ATXN2: variants seen among roughly 807,000 people sequenced by gnomAD.
The protein encoded by ATXN2 is ataxin-2.
Under a neutral mutation model 138.6 loss-of-function variants are expected in ATXN2, and 37 were observed. The observed-to-expected ratio is 0.27, with a 90% CI of 0.21 to 0.35. The LOEUF is 0.35. ATXN2 is among the 10% of genes least tolerant of loss of function. The pLI is 1.00. For synonymous variants in ATXN2, 549 were observed against 543.7 expected, an observed-to-expected ratio of 1.01 and a Z score of -0.13; for missense variants, 1,216 against 1,480.3, an observed-to-expected ratio of 0.82 and a Z score of 2.93.
At chr12:111,592,874 T>TAA (rs111981578) in intron 1 of ATXN2, among the ~76,000 whole-genome samples, 2 of 140,862 alleles carry the variant, frequency 1.4e-5, no homozygotes, top group African/African-American at 2.6e-5. Context: ...TTGAAATAGC[T>TAA]AAAAAAAAAA....
rs769630716 is a variant in ATXN2 at position 111,538,626 on chromosome 12, T to G, written c.572-13310A>C. Among the ~76,000 whole-genome samples, 25 of 150,218 alleles carry G rather than the reference T, an allele frequency of 1.7e-4. 2 individuals are homozygous for G. The highest frequency in any genetic ancestry group is 3.1e-4 in the Non-Finnish European group (21 of 67,060). On this transcript the variant is annotated intron_variant, in intron 5 of 24. Coordinates refer to ENST00000673436, the MANE Select transcript of ATXN2 (RefSeq NM_001372574.1). ...CCTTGGCCTCCCAAAGTGCTGAGAT[T>G]ACAGGAATGAGCCACTGTACCCAGC...
At chr12:111,580,983 C>T (rs1204596544) in intron 1 of ATXN2, among the ~76,000 whole-genome samples, 1 of 151,454 alleles carries the variant, frequency 6.6e-6, no homozygotes, top group African/African-American at 2.4e-5. Context: ...TACTAAAATA[C>T]AAAACCTAGC....
intron 1 of ATXN2, among the ~76,000 whole-genome samples, chr12:111,567,018 A>G (rs1233825676): frequency 6.6e-6 from 1 of 152,182 alleles, no homozygotes; most frequent in Non-Finnish European, 1.5e-5. Flanking sequence ...ATGTGGTAAA[A>G]AAGCAAGAGA....
rs1182487226 is a variant in ATXN2 at position 111,552,013 on chromosome 12, G to A, written c.571+267C>T. ...CTGTCTCAGCCTCCCTAGTAGCTAG[G>A]ACTATAGGCGCACGCCACCACACAC... is the stretch of plus-strand genomic sequence containing the variant. On this transcript the variant is annotated intron_variant, in intron 5 of 24. Coordinates refer to ENST00000673436, the MANE Select transcript of ATXN2 (RefSeq NM_001372574.1). The surrounding 1 kb of genome is among the most constrained non-coding windows in gnomAD (Gnocchi z 4.1). Among the ~76,000 whole-genome samples the A allele has an allele frequency of 6.6e-6, 1 of 151,896 alleles. No homozygotes were observed.
intron 5 of ATXN2, among the ~76,000 whole-genome samples, chr12:111,539,714 A>C (rs1881389355): frequency 6.7e-6 from 1 of 150,018 alleles, no homozygotes; most frequent in Non-Finnish European, 1.5e-5. Context: ...GCGCTACTGC[A>C]CTCCAGCCTG....
chr12:111,570,036 A>C (rs1403345638), intron 1 of ATXN2, among the ~76,000 whole-genome samples: 1 of 152,164 alleles, frequency 6.6e-6, no homozygotes, highest in Admixed American at 6.5e-5. Context: ...GAAATATTTA[A>C]ATTTTAATCA....
At chr12:111,597,816 G>T in intron 1 of ATXN2, 1 of 1,252,208 alleles carries the variant, frequency 8.0e-7, no homozygotes, top group Non-Finnish European at 1.0e-6. Flanking sequence ...TTCCGAAATT[G>T]GGGCGGGGGT....
At chr12:111,467,788 T>C (rs1054593115) in intron 20 of ATXN2, among the ~76,000 whole-genome samples, 2 of 152,210 alleles carry the variant, frequency 1.3e-5, no homozygotes, top group African/African-American at 2.4e-5. Flanking sequence ...TTCTAGGAAG[T>C]AGTTATGAAA....
intron 2 of ATXN2, among the ~76,000 whole-genome samples, chr12:111,555,338 T>C (rs531037953): frequency 1.2e-3 from 184 of 152,272 alleles, no homozygotes; most frequent in African/African-American, 4.3e-3. Context: ...TATGGTTTGG[T>C]TCTGTGTCCC....
chr12:111,587,978 G>A (rs879672176), intron 1 of ATXN2, among the ~76,000 whole-genome samples: 6 of 151,760 alleles, frequency 4.0e-5, no homozygotes, highest in South Asian at 2.1e-4. Context: ...TGGATCACTC[G>A]AGGCCATGAG....
At position 111,598,298 on chromosome 12, in the gene ATXN2, G is replaced by A. The variant is rs1885041344; in HGVS notation, c.251+486C>T. ...CCCCTTTAACCGGCACGGGGGACGC[G>A]GCCCTAACTTCTCCCCTCCAGAGAT... On this transcript the variant is annotated intron_variant, in intron 1 of 24. Transcript: ENST00000673436. The surrounding 1 kb of genome is among the most constrained non-coding windows in gnomAD (Gnocchi z 4.5). 14 of 1,002,862 alleles carry A rather than the reference G, an allele frequency of 1.4e-5. No homozygotes were observed. The highest frequency in any genetic ancestry group is 3.5e-5 in the African/African-American group (2 of 57,466). 62.1% of individuals were successfully genotyped at this position (1,002,862 alleles called of 1,614,324 possible).
chr12:111,468,758 T>C (rs1255906469), intron 20 of ATXN2: 1 of 145,036 alleles, frequency 6.9e-6, no homozygotes, highest in Non-Finnish European at 1.5e-5. Context: ...TAGAGTGTAG[T>C]GGCGCGATCT....
intron 5 of ATXN2, 96 bp from the exon 6 acceptor site, chr12:111,525,412 A>G: frequency 8.0e-7 from 1 of 1,252,030 alleles, no homozygotes; most frequent in Non-Finnish European, 1.1e-6. Flanking sequence ...TTAAAAAACA[A>G]TTACGAAAAA....
At chr12:111,507,681 C>T (rs1718034596) in intron 14 of ATXN2, among the ~76,000 whole-genome samples, 1 of 152,186 alleles carries the variant, frequency 6.6e-6, no homozygotes, top group South Asian at 2.1e-4. Context: ...TTATTGAGAA[C>T]GGGCCATGAT....
intron 18 of ATXN2, among the ~76,000 whole-genome samples, chr12:111,479,390 T>TAAAAA (rs33967202): frequency 1.2e-4 from 6 of 49,862 alleles, no homozygotes; most frequent in Admixed American, 2.7e-4. Context: ...CCGTCTCTGC[T>TAAAAA]AAAAAAAAAA....
chr12:111,525,128 ACAAC>A, intron 6 of ATXN2, 60 bp downstream of exon 6: 2 of 1,526,654 alleles, frequency 1.3e-6, no homozygotes, highest in South Asian at 2.6e-5. Context: ...CATTTAAATT[ACAAC>A]CAAGTGACAG....
intron 14 of ATXN2, among the ~76,000 whole-genome samples, chr12:111,506,878 C>T (rs1879157308): frequency 6.6e-6 from 1 of 152,156 alleles, no homozygotes; most frequent in African/African-American, 2.4e-5. Context: ...GTTGGCCGGG[C>T]TGGTCTCCAG....
intron 14 of ATXN2, among the ~76,000 whole-genome samples, chr12:111,504,305 T>C (rs901260341): frequency 1.7e-4 from 26 of 152,166 alleles, no homozygotes; most frequent in Non-Finnish European, 3.1e-4. Context: ...GAATAGTCTT[T>C]TTTTTGAGAT....
At chr12:111,589,306 T>C (rs908995075) in intron 1 of ATXN2, among the ~76,000 whole-genome samples, 1 of 150,046 alleles carries the variant, frequency 6.7e-6, no homozygotes, top group South Asian at 2.1e-4. Flanking sequence ...CAGGGTAAGA[T>C]CCTGCAACAC....
Sources: gnomAD v4.1 joint callset for allele counts (sites outside exome capture counted in the v4.1 genomes callset) on GRCh38, gnomAD v4.1.1 for gene constraint, Gnocchi (gnomAD v3.1) non-coding constraint, MANE v1.5 for transcripts, NCBI Gene and HGNC (gene_info 2026-07-23, HGNC 2026-07-21) for gene names.